Variants in MCTP2 observed in about 807,000 individuals in gnomAD.
The protein encoded by MCTP2 is multiple C2 and transmembrane domain-containing protein 2.
A neutral mutation model predicts 111.6 loss-of-function variants in MCTP2; 132 were observed. That is an observed-to-expected ratio of 1.18 (90% CI 1.03 to 1.37). The LOEUF (loss-of-function observed/expected upper bound fraction) is 1.37, where lower values mean the gene tolerates loss of function less well. MCTP2 is among the 40% of genes most tolerant of loss of function. The pLI, the probability that MCTP2 is intolerant of heterozygous loss-of-function variation, is 0.00. For synonymous variants in MCTP2, 395 were observed against 387.7 expected (o/e 1.02, Z -0.22); for missense variants, 1,183 against 1,067.9 (o/e 1.11, Z -1.50).
intron 20 of MCTP2, among the ~76,000 whole-genome samples, chr15:94,461,593 G>A (rs1341972924): frequency 6.6e-6 from 1 of 152,146 alleles, no homozygotes; most frequent in Non-Finnish European, 1.5e-5. Context: ...TCCTTGAGTG[G>A]CTAGGGAAAT....
At chr15:94,406,108 C>T (rs1318060796) in intron 17 of MCTP2, among the ~76,000 whole-genome samples, 1 of 152,152 alleles carries the variant, frequency 6.6e-6, no homozygotes, top group Non-Finnish European at 1.5e-5. Flanking sequence ...TGTACATGGC[C>T]ATTCCCACAC....
At chr15:94,458,286 T>G in intron 20 of MCTP2, 40 bp downstream of exon 20, 1 of 1,222,214 alleles carries the variant, frequency 8.2e-7, no homozygotes, top group Non-Finnish European at 1.2e-6. Context: ...GCAGTAGACC[T>G]GCTATCCACA....
intron 17 of MCTP2, among the ~76,000 whole-genome samples, chr15:94,425,655 G>A (rs1039238681): frequency 2.6e-5 from 4 of 152,002 alleles, no homozygotes; most frequent in East Asian, 1.9e-4. Flanking sequence ...TTTTCTCAGC[G>A]TTTTCAATGT....
At chr15:94,450,880 T>A in intron 19 of MCTP2, among the ~76,000 whole-genome samples, 1 of 152,220 alleles carries the variant, frequency 6.6e-6, no homozygotes. Flanking sequence ...TCAGAACATG[T>A]AGGAGAGATT....
At chr15:94,305,631 T>C (rs1396997350) in intron 2 of MCTP2, among the ~76,000 whole-genome samples, 2 of 152,224 alleles carry the variant, frequency 1.3e-5, no homozygotes, top group African/African-American at 2.4e-5. Context: ...TCTCCCGGCC[T>C]TTCTGCAAAC....
rs1372105951 is a variant in MCTP2, at chr15:94,482,198, C to T, written c.*3164C>T. 6.6e-6 allele frequency: 1 copy of T among 152,196 alleles called. No homozygotes were observed. The highest frequency in any genetic ancestry group is 1.5e-5 in the Non-Finnish European group (1 of 68,042). 9.4% of individuals were successfully genotyped at this position (152,196 alleles called of 1,614,324 possible). A position where few individuals can be genotyped will look rare whatever the true frequency, so the allele number is the denominator to read the frequency against. On this transcript the variant is annotated 3_prime_UTR_variant, in exon 23 of 23. Coordinates refer to ENST00000357742, the MANE Select transcript of MCTP2 (RefSeq NM_001385001.1). ...ACATTAAACAGATACTTTCAAGCAA[C>T]AGCATGCCATGCTCAGATTTAAGTT... is the stretch of plus-strand genomic sequence containing the variant.
In MCTP2 at chr15:94,473,056, CTA is replaced by C. The variant is rs376261245; in HGVS notation, c.2470+2616_2470+2617del. ...GAATAATATCCTAAAATGTTTTGTT[CTA>C]TGTTTTTAATTTTTTGAAAAAAATG... On this transcript the variant is annotated intron_variant, in intron 21 of 22. Coordinates refer to ENST00000357742, the MANE Select transcript of MCTP2 (RefSeq NM_001385001.1). Among the ~76,000 whole-genome samples, 309 of 134,732 alleles carry C rather than the reference CTA, an allele frequency of 2.3e-3. 2 individuals are homozygous for C. The highest frequency in any genetic ancestry group is 9.0e-3 in the East Asian group (42 of 4,684). The allele number at this position is 134,732 out of a possible 152,430, so 88.4% of individuals were successfully genotyped here.
chr15:94,469,622 C>CTTTGGGAGGTCAAGGCAGGAGAATT (rs2073737237), intron 20 of MCTP2, among the ~76,000 whole-genome samples: 1 of 152,164 alleles, frequency 6.6e-6, no homozygotes, highest in Admixed American at 6.5e-5. Flanking sequence ...AATCCCAGCA[C>CTTTGGGAGGTCAAGGCAGGAGAATT]TTTGGGAGGT....
chr15:94,462,583 TAAATC>T (rs2085282477), intron 20 of MCTP2, among the ~76,000 whole-genome samples: 1 of 152,222 alleles, frequency 6.6e-6, no homozygotes, highest in African/African-American at 2.4e-5. Flanking sequence ...GTCTTTGAAT[TAAATC>T]CTCAGCATTT....
rs1488445736 is a variant in MCTP2 at position 94,481,772 on chromosome 15, T to TA, written c.*2739dup. ...CCTCCACTGAATAGCCCATTACAGC[T>TA]AGCACCTAATAGTTACTCAGGAAAT... On this transcript the variant is annotated 3_prime_UTR_variant, in exon 23 of 23. Coordinates refer to ENST00000357742, the MANE Select transcript of MCTP2 (RefSeq NM_001385001.1). 30 of 152,364 alleles carry TA rather than the reference T, an allele frequency of 2.0e-4. No homozygotes were observed. Among genetic ancestry groups the TA allele is most frequent in the African/African-American group, 7.2e-4 (30 of 41,586 alleles). The allele number at this position is 152,364 out of a possible 1,614,324, so 9.4% of individuals were successfully genotyped here. A position where few individuals can be genotyped will look rare whatever the true frequency, so the allele number is the denominator to read the frequency against.
chr15:94,350,958 G>C lies in MCTP2; in HGVS notation c.1006-5179G>C, dbSNP rs1463315740. On this transcript the variant is annotated intron_variant, in intron 8 of 22. Transcript: ENST00000357742. ...AAAATCTGAGAGTCACTGGGTATGT[G>C]CAGTCTTTAACTATTTTTTTAAATC... Among the ~76,000 whole-genome samples, 4 of 151,984 alleles carry C rather than the reference G, an allele frequency of 2.6e-5. No homozygotes were observed. The East Asian group carries it at 5.8e-4, about 22-fold the overall frequency.
chr15:94,255,458 A>G lies in MCTP2; in HGVS notation c.-66+23794A>G, dbSNP rs530720166. On this transcript the variant is annotated intron_variant, in intron 1 of 22. Coordinates refer to ENST00000357742, the MANE Select transcript of MCTP2 (RefSeq NM_001385001.1). ...ATGGCTAGATTATTAACTTTTTAGC[A>G]GTTTGACTTTCGTCATAGCACTTAT... Among the ~76,000 whole-genome samples the G allele has an allele frequency of 2.0e-5, 3 of 151,192 alleles. No individual in the cohort carries two copies. In the East Asian group the frequency reaches 5.8e-4, roughly 29 times the overall value.
intron 10 of MCTP2, among the ~76,000 whole-genome samples, chr15:94,358,936 G>A (rs1030774009): frequency 3.9e-5 from 6 of 152,090 alleles, no homozygotes; most frequent in African/African-American, 7.2e-5. Flanking sequence ...GCTACCTAGC[G>A]AAATGTTATA....
Position 94,458,091 on chromosome 15 carries a change from T to TA in MCTP2, c.2251-40dup, listed in dbSNP as rs775387976. On this transcript the variant is annotated intron_variant, in intron 19 of 22. Transcript: ENST00000357742. ...TATAATATTTTCTGTATCAGCATGA[T>TA]AAAAAATGAAGTAACTGAGTTAAAT... 17 of 1,063,400 alleles carry TA rather than the reference T, an allele frequency of 1.6e-5. No individual in the cohort carries two copies. In the South Asian group the frequency reaches 2.1e-4, roughly 13 times the overall value. The allele number at this position is 1,063,400 out of a possible 1,614,324, so 65.9% of individuals were successfully genotyped here.
At chr15:94,472,035 A>G (rs1204631205) in intron 21 of MCTP2, among the ~76,000 whole-genome samples, 1 of 152,142 alleles carries the variant, frequency 6.6e-6, no homozygotes, top group Non-Finnish European at 1.5e-5. Context: ...CTTCCTCATC[A>G]TCCTGGTGCT....
intron 17 of MCTP2, among the ~76,000 whole-genome samples, chr15:94,436,737 A>G (rs549681201): frequency 1.4e-4 from 21 of 152,232 alleles, no homozygotes; most frequent in African/African-American, 5.1e-4. Flanking sequence ...ATTTTTCTCC[A>G]TAGCTTTATG....
intron 1 of MCTP2, among the ~76,000 whole-genome samples, chr15:94,270,806 C>T (rs890927388): frequency 1.3e-5 from 2 of 152,208 alleles, no homozygotes; most frequent in East Asian, 1.9e-4. Flanking sequence ...CACAGCCACC[C>T]TTTGTTTCCA....
In MCTP2 at chr15:94,381,452, G is replaced by C. The variant is rs1373954147; in HGVS notation, c.1583-2570G>C. ...GTTCCTGGTTTCTGGAGGAAAGTCT[G>C]TTCCTCATTAGCTGGGACAGCTAAG... is the stretch of plus-strand genomic sequence containing the variant. On this transcript the variant is annotated intron_variant, in intron 12 of 22. Coordinates refer to ENST00000357742, the MANE Select transcript of MCTP2 (RefSeq NM_001385001.1). 2.6e-5 allele frequency among the ~76,000 whole-genome samples: 4 copies of C among 152,206 alleles called. No individual in the cohort carries two copies. The East Asian group carries it at 7.7e-4, about 29-fold the overall frequency.
intron 21 of MCTP2, among the ~76,000 whole-genome samples, chr15:94,472,758 T>TCTTCTCATTATGTAAAAA (rs2074033934): frequency 6.6e-6 from 1 of 152,344 alleles, no homozygotes; most frequent in Admixed American, 6.5e-5. Context: ...ATCTATTGCC[T>TCTTCTCATTATGTAAAAA]CTTCTCATTA....
Sources: allele counts gnomAD v4.1 joint callset (sites outside exome capture counted in the v4.1 genomes callset), GRCh38; gene constraint gnomAD v4.1.1; transcripts MANE v1.5; gene names NCBI Gene and HGNC (gene_info 2026-07-23, HGNC 2026-07-21).